PTPRD: variants seen among roughly 807,000 people sequenced by gnomAD.
PTPRD encodes protein tyrosine phosphatase receptor type D, also known as receptor-type tyrosine-protein phosphatase delta.
A neutral mutation model predicts 214.5 loss-of-function variants in PTPRD; 34 were observed. That is an observed-to-expected ratio of 0.16 (90% CI 0.12 to 0.21). PTPRD has a LOEUF of 0.21. PTPRD is among the 10% of genes least tolerant of loss of function. The pLI is 1.00. For missense variants in PTPRD, 2,545 were observed against 2,398.7 expected (o/e 1.06, Z -1.27); for synonymous variants, 1,128 against 845.7 (o/e 1.33, Z -5.79).
At chr9:8,769,122 T>C (rs966442236) in intron 11 of PTPRD, among the ~76,000 whole-genome samples, 1 of 152,186 alleles carries the variant, frequency 6.6e-6, no homozygotes, top group African/African-American at 2.4e-5. Flanking sequence ...ACAGTGGAAA[T>C]ATTTTTATAT....
At chr9:10,576,932 G>C (rs981910437) in intron 2 of PTPRD, among the ~76,000 whole-genome samples, 4 of 151,360 alleles carry the variant, frequency 2.6e-5, no homozygotes, top group East Asian at 3.9e-4. Context: ...ATGTGGCCAT[G>C]TCTCTAGTAC....
At chr9:8,529,616 G>C (rs1414653435) in intron 14 of PTPRD, among the ~76,000 whole-genome samples, 2 of 152,104 alleles carry the variant, frequency 1.3e-5, no homozygotes, top group Admixed American at 1.3e-4. Flanking sequence ...CCAGATCCCA[G>C]CTCTTGAGAA....
At chr9:9,188,550 A>C (rs2099933103) in intron 9 of PTPRD, among the ~76,000 whole-genome samples, 1 of 152,056 alleles carries the variant, frequency 6.6e-6, no homozygotes, top group Non-Finnish European at 1.5e-5. Flanking sequence ...TGAAAGTCTA[A>C]GCTTGGTTAG....
At chr9:10,278,374 C>G (rs550452046) in intron 3 of PTPRD, among the ~76,000 whole-genome samples, 1 of 152,122 alleles carries the variant, frequency 6.6e-6, no homozygotes, top group African/African-American at 2.4e-5. Flanking sequence ...GACTGCTGTA[C>G]AAACAAAGTG....
At chr9:9,453,965 C>G (rs2092628145) in intron 8 of PTPRD, among the ~76,000 whole-genome samples, 1 of 151,684 alleles carries the variant, frequency 6.6e-6, no homozygotes, top group Non-Finnish European at 1.5e-5. Flanking sequence ...TACTTCATTT[C>G]TCTATATCTG....
chr9:9,390,258 G>T (rs1212203426), intron 9 of PTPRD, among the ~76,000 whole-genome samples: 2 of 152,164 alleles, frequency 1.3e-5, no homozygotes, highest in African/African-American at 4.8e-5. Context: ...AACTTTGAAG[G>T]CCATTGTAAG....
chr9:10,343,253 T>G (rs2096979820), intron 2 of PTPRD, among the ~76,000 whole-genome samples: 1 of 152,108 alleles, frequency 6.6e-6, no homozygotes, highest in African/African-American at 2.4e-5. Flanking sequence ...CTGTGTTAGT[T>G]TGCTGAGAAT....
At chr9:8,641,760 C>T (rs2096581483) in intron 12 of PTPRD, among the ~76,000 whole-genome samples, 1 of 152,204 alleles carries the variant, frequency 6.6e-6, no homozygotes, top group African/African-American at 2.4e-5. Context: ...AAGCCACAAA[C>T]TGCGCACTGA....
Position 10,019,576 on chromosome 9 carries a change from A to G in PTPRD, c.-472+14142T>C, listed in dbSNP as rs138094849. Among the ~76,000 whole-genome samples the G allele has an allele frequency of 6.1e-3, 925 of 152,328 alleles. 7 individuals carry two copies. Among genetic ancestry groups the G allele is most frequent in the African/African-American group, 0.021 (861 of 41,566 alleles). ...GATTAAGAAAATGTGGCACATATAC[A>G]CCATGGAATACTATGCATTCATAAA... On this transcript the variant is annotated intron_variant, in intron 4 of 45. Transcript: ENST00000381196.
rs560635477 is a variant in PTPRD at position 8,345,628 on chromosome 9, C to T, written c.4662-3650G>A. Among the ~76,000 whole-genome samples, 3 of 152,056 alleles carry T rather than the reference C, an allele frequency of 2.0e-5. No homozygotes were observed. In the South Asian group the frequency reaches 6.2e-4, roughly 32 times the overall value. ...GTCATTACTCCAGACACAAAATAAT[C>T]CAAAACAGGTAGTACACGAAATCAG... On this transcript the variant is annotated intron_variant, in intron 39 of 45. Transcript: ENST00000381196.
At chr9:8,418,638 CTTAT>C (rs2094131519) in intron 35 of PTPRD, among the ~76,000 whole-genome samples, 1 of 150,718 alleles carries the variant, frequency 6.6e-6, no homozygotes, top group Non-Finnish European at 1.5e-5. Flanking sequence ...GGTTGGGAAA[CTTAT>C]TTCTTTCGGA....
intron 11 of PTPRD, among the ~76,000 whole-genome samples, chr9:8,786,033 T>TTGTTTGTG (rs1555336935): frequency 7.0e-6 from 1 of 143,224 alleles, no homozygotes; most frequent in African/African-American, 2.7e-5. Context: ...GCTTAATTTG[T>TTGTTTGTG]TGTGTGTGTG....
chr9:10,218,878 T>C (rs555763055), intron 3 of PTPRD, among the ~76,000 whole-genome samples: 3 of 151,918 alleles, frequency 2.0e-5, no homozygotes, highest in African/African-American at 7.2e-5. Context: ...AAAATGTTCA[T>C]AGAACACAAG....
chr9:9,293,104 A>C (rs916711359), intron 9 of PTPRD, among the ~76,000 whole-genome samples: 1 of 151,498 alleles, frequency 6.6e-6, no homozygotes, highest in South Asian at 2.1e-4. Context: ...CCCATATGGA[A>C]GTGGAGAGTT....
At chr9:9,723,124 T>C (rs531342826) in intron 7 of PTPRD, among the ~76,000 whole-genome samples, 2 of 152,082 alleles carry the variant, frequency 1.3e-5, no homozygotes, top group South Asian at 2.1e-4. Context: ...TTTACTCCTA[T>C]GTTTTCTTCT....
chr9:9,159,796 T>G (rs1474041302), intron 10 of PTPRD, among the ~76,000 whole-genome samples: 1 of 152,170 alleles, frequency 6.6e-6, no homozygotes, highest in African/African-American at 2.4e-5. Context: ...TCACGCTTCA[T>G]GATTTCAAAA....
intron 10 of PTPRD, among the ~76,000 whole-genome samples, chr9:9,147,552 T>C (rs1309638709): frequency 2.6e-5 from 4 of 152,146 alleles, no homozygotes; most frequent in African/African-American, 7.2e-5. Flanking sequence ...TTGTATCATG[T>C]AAAAATTATA....
chr9:8,337,493 TA>T, intron 43 of PTPRD, among the ~76,000 whole-genome samples: 1 of 152,166 alleles, frequency 6.6e-6, no homozygotes, highest in East Asian at 1.9e-4. Flanking sequence ...GAGAAATACC[TA>T]ATGTAGATGA....
chr9:10,492,037 G>A lies in PTPRD; in HGVS notation c.-600+120361C>T, dbSNP rs190086321. Among the ~76,000 whole-genome samples, 28 of 152,216 alleles carry A rather than the reference G, an allele frequency of 1.8e-4. No homozygotes were observed. In the East Asian group the frequency reaches 2.5e-3, roughly 14 times the overall value. On this transcript the variant is annotated intron_variant, in intron 2 of 45. Coordinates refer to ENST00000381196, the MANE Select transcript of PTPRD (RefSeq NM_002839.4). ...CTTCATCTATGTCCCTGCAAAGGAT[G>A]TGAACTCATTGTTTTTTATGGCTGC...
Sources: gnomAD v4.1 joint callset for allele counts (sites outside exome capture counted in the v4.1 genomes callset) on GRCh38, gnomAD v4.1.1 for gene constraint, MANE v1.5 for transcripts, NCBI Gene and HGNC (gene_info 2026-07-23, HGNC 2026-07-21) for gene names.